The following WDR5 variants were observed in gnomAD, a reference collection of about 807,000 sequenced individuals.
WDR5 encodes WD repeat domain 5.
For missense variants in WDR5, 187 were observed against 416.9 expected (o/e 0.45, Z 4.80); for synonymous variants, 144 against 161.6 (o/e 0.89, Z 0.83).
At position 134,142,326 on chromosome 9, in the gene WDR5, G is replaced by C. The variant is rs188090084; in HGVS notation, c.355-7G>C. The C allele has an allele frequency of 6.2e-7, 1 of 1,613,020 alleles. No homozygotes were observed. The highest frequency in any genetic ancestry group is 2.2e-5 in the East Asian group (1 of 44,880). ...ACTGGAATAATCCTAATAATACTCTGTTATAGGGCAAGTGTCTGAAAACCC... is the reference window on the plus strand; with the variant it reads ...ACTGGAATAATCCTAATAATACTCTCTTATAGGGCAAGTGTCTGAAAACCC... On this transcript the variant is annotated splice_region_variant and splice_polypyrimidine_tract_variant and intron_variant, in intron 5 of 13. Transcript: ENST00000358625.
At chr9:134,156,750 C>T (rs1167713368) in intron 13 of WDR5, among the ~76,000 whole-genome samples, 157 bp downstream of exon 13, 2 of 152,220 alleles carry the variant, frequency 1.3e-5, no homozygotes, top group East Asian at 3.8e-4. Flanking sequence ...GAGCTCTTGC[C>T]CAAGGCATGG....
intron 7 of WDR5, among the ~76,000 whole-genome samples, chr9:134,145,223 C>T (rs1832127320): frequency 6.6e-6 from 1 of 151,564 alleles, no homozygotes; most frequent in African/African-American, 2.4e-5. Flanking sequence ...CTCAGCCTCC[C>T]AAGTACCTGG....
At position 134,154,600 on chromosome 9, in the gene WDR5, G is replaced by T. The variant is rs530677804; in HGVS notation, c.707+59G>T. On this transcript the variant is annotated intron_variant, in intron 10 of 13. Coordinates refer to ENST00000358625, the MANE Select transcript of WDR5 (RefSeq NM_017588.3). ...GTGGCCTCCCCAGCCAGAGACACCTGCGTGCCAGCGTGAGCCTTTGGAGAG... is the reference window on the plus strand; with the variant it reads ...GTGGCCTCCCCAGCCAGAGACACCTTCGTGCCAGCGTGAGCCTTTGGAGAG... 1.1e-5 allele frequency: 17 copies of T among 1,569,356 alleles called. No homozygotes were observed. The African/African-American group carries it at 2.2e-4, about 20-fold the overall frequency.
chr9:134,136,362 C>T (rs1171164019), intron 1 of WDR5, among the ~76,000 whole-genome samples, 162 bp downstream of exon 1: 1 of 150,846 alleles, frequency 6.6e-6, no homozygotes, highest in African/African-American at 2.4e-5. Flanking sequence ...CCCGGGACCC[C>T]CGCCCCGGCC....
intron 1 of WDR5, among the ~76,000 whole-genome samples, chr9:134,137,977 C>T (rs1381929153): frequency 6.6e-6 from 1 of 152,124 alleles, no homozygotes; most frequent in Non-Finnish European, 1.5e-5. Context: ...TTCCTGACCT[C>T]GTGATCTGCC....
chr9:134,142,422 C>T lies in WDR5; in HGVS notation c.444C>T (p.Ser148=), dbSNP rs769675734. 30 of 1,614,106 alleles carry T rather than the reference C, an allele frequency of 1.9e-5. No individual in the cohort carries two copies. The highest frequency in any genetic ancestry group is 2.4e-5 in the Non-Finnish European group (28 of 1,179,974). ...NPQSNLIVSG[S]FDESVRIWDV... The stretch of plus-strand genomic sequence containing the variant: ...AGTCCAACCTTATTGTCTCAGGATC[C>T]GTAAGTGTGGCTGGGGTGTCTTCCC... Residue 148 remains serine (S), a splice_region_variant and synonymous_variant, in exon 6 of 14, where the codon TCC becomes TCT. Coordinates refer to ENST00000358625, the MANE Select transcript of WDR5 (RefSeq NM_017588.3).
rs759295328 is a variant in WDR5, at chr9:134,142,038, G to T, written c.354G>T (p.Ser118=). Residue 118 remains serine, a splice_region_variant and synonymous_variant, in exon 5 of 14, where the codon TCG becomes TCT. Coordinates refer to ENST00000358625, the MANE Select transcript of WDR5 (RefSeq NM_017588.3). ...DKTLKIWDVS[S]GKCLKTLKGH... ...CCTTGAAGATATGGGACGTGAGCTCGGTAAGTGACACTCAGTGCTTCTCTC... is the reference window on the plus strand; with the variant it reads ...CCTTGAAGATATGGGACGTGAGCTCTGTAAGTGACACTCAGTGCTTCTCTC... 2.5e-6 allele frequency: 4 copies of T among 1,613,704 alleles called. No homozygotes were observed. The highest frequency in any genetic ancestry group is 3.4e-6 in the Non-Finnish European group (4 of 1,179,842).
Position 134,141,945 on chromosome 9 carries a change from C to A in WDR5, c.265-4C>A. ...AGTTACTGACCCTGTTTTTTCTCCC[C>A]AAGGGAATATCCGATGTAGCCTGGT... On this transcript the variant is annotated splice_region_variant and splice_polypyrimidine_tract_variant and intron_variant, in intron 4 of 13. Coordinates refer to ENST00000358625, the MANE Select transcript of WDR5 (RefSeq NM_017588.3). 1 of 1,613,396 alleles carries A rather than the reference C, an allele frequency of 6.2e-7. No homozygotes were observed. The highest frequency in any genetic ancestry group is 1.1e-5 in the South Asian group (1 of 90,952).
chr9:134,139,885 C>T lies in WDR5; in HGVS notation c.8C>T (p.Thr3Met), dbSNP rs1245893993. The T allele has an allele frequency of 6.8e-6, 11 of 1,613,348 alleles. No homozygotes were observed. The highest frequency in any genetic ancestry group is 3.3e-5 in the Admixed American group (2 of 60,002). MA[T>M]EEKKPETEAA... ...GCGGCCAGCGTCAGAGCCATGGCGA[C>T]GGAGGAGAAGAAGCCCGAGACCGAG... The change falls in exon 2 of 14, where the codon ACG becomes ATG. Residue 3 changes from threonine (T) to methionine (M), a missense_variant. Coordinates refer to ENST00000358625, the MANE Select transcript of WDR5 (RefSeq NM_017588.3).
chr9:134,137,101 C>T (rs1230543208), intron 1 of WDR5, among the ~76,000 whole-genome samples: 1 of 152,178 alleles, frequency 6.6e-6, no homozygotes, highest in Non-Finnish European at 1.5e-5. Flanking sequence ...CTGCATGTCA[C>T]AGGCAGATTC....
Position 134,157,630 on chromosome 9 carries a change from T to C in WDR5, c.905-263T>C, listed in dbSNP as rs1007841310. Among the ~76,000 whole-genome samples the C allele has an allele frequency of 2.6e-5, 4 of 152,122 alleles. No homozygotes were observed. The highest frequency in any genetic ancestry group is 4.4e-5 in the Non-Finnish European group (3 of 68,010). ...GTGGGGGCGTGTGGGGCTCCTGGTC[T>C]GCAGGCAGGGCTGGCACTCCCTGTG... On this transcript the variant is annotated intron_variant, in intron 13 of 13. Coordinates refer to ENST00000358625, the MANE Select transcript of WDR5 (RefSeq NM_017588.3). The surrounding 1 kb of genome is among the most constrained non-coding windows in gnomAD (Gnocchi z 5.0).
chr9:134,137,504 G>A (rs1486456937), intron 1 of WDR5, among the ~76,000 whole-genome samples: 13 of 151,932 alleles, frequency 8.6e-5, no homozygotes, highest in Admixed American at 7.9e-4. Context: ...GCAACATGGC[G>A]AAACTCCGTC....
intron 7 of WDR5, among the ~76,000 whole-genome samples, chr9:134,146,942 C>T (rs902184466): frequency 9.9e-5 from 15 of 152,216 alleles, no homozygotes; most frequent in Admixed American, 5.2e-4. Context: ...CCCTCTGTGT[C>T]TGCTGGAGAA....
chr9:134,137,074 A>G (rs1831601315), intron 1 of WDR5, among the ~76,000 whole-genome samples: 2 of 152,128 alleles, frequency 1.3e-5, no homozygotes, highest in South Asian at 4.1e-4. Flanking sequence ...GTCTTTGCAC[A>G]CAGTATGCTT....
rs1832809962 is a variant in WDR5, at chr9:134,157,670, T to A, written c.905-223T>A. Among the ~76,000 whole-genome samples, 1 of 152,002 alleles carries A rather than the reference T, an allele frequency of 6.6e-6. No individual in the cohort carries two copies. Among genetic ancestry groups the A allele is most frequent in the Non-Finnish European group, 1.5e-5 (1 of 68,004 alleles). On this transcript the variant is annotated intron_variant, in intron 13 of 13. Coordinates refer to ENST00000358625, the MANE Select transcript of WDR5 (RefSeq NM_017588.3). This position sits in a 1 kb window ranked among gnomAD's most constrained non-coding sequence, Gnocchi z 5.0. ...CACTCCCTGTGGCCTCCTGCCCCTG[T>A]CCCCCAACCGGCTGTGTCGCCCTGG...
At chr9:134,144,659 G>A (rs1385113051) in intron 7 of WDR5, among the ~76,000 whole-genome samples, 1 of 152,108 alleles carries the variant, frequency 6.6e-6, no homozygotes, top group African/African-American at 2.4e-5. Flanking sequence ...GGACAACATA[G>A]TGAGATCCTG....
chr9:134,140,031 C>T, intron 2 of WDR5, 73 bp downstream of exon 2: 2 of 1,536,822 alleles, frequency 1.3e-6, no homozygotes, highest in Non-Finnish European at 1.8e-6. Flanking sequence ...ACATCTCAAG[C>T]TCATAAGCCT....
intron 7 of WDR5, among the ~76,000 whole-genome samples, chr9:134,145,099 T>TTTTTTTTTTTTG (rs1832114873): frequency 4.4e-5 from 5 of 112,874 alleles, no homozygotes; most frequent in African/African-American, 2.2e-4. Flanking sequence ...GGGCTTTGTT[T>TTTTTTTTTTTTG]TTTTTTTTTT....
chr9:134,142,307 A>G lies in WDR5; in HGVS notation c.355-26A>G, dbSNP rs765613470. On this transcript the variant is annotated intron_variant, in intron 5 of 13. Coordinates refer to ENST00000358625, the MANE Select transcript of WDR5 (RefSeq NM_017588.3). ...TACGTTTGGGGAAATAAGCACTGGA[A>G]TAATCCTAATAATACTCTGTTATAG... 3.1e-6 allele frequency: 5 copies of G among 1,605,684 alleles called. No homozygotes were observed. The Admixed American group carries it at 5.0e-5, about 16-fold the overall frequency.
Sources: allele counts gnomAD v4.1 joint callset (sites outside exome capture counted in the v4.1 genomes callset), GRCh38; gene constraint gnomAD v4.1.1; non-coding constraint Gnocchi (gnomAD v3.1); transcripts MANE v1.5; gene names NCBI Gene and HGNC (gene_info 2026-07-23, HGNC 2026-07-21).